CCDC138: variants seen among roughly 807,000 people sequenced by gnomAD.
CCDC138 encodes coiled-coil domain containing 138.
CCDC138 carries 66 observed loss-of-function variants against 82.3 expected under a neutral mutation model. The ratio of observed to expected loss-of-function variants is 0.80; its 90% CI spans 0.66 to 0.98. CCDC138 has a LOEUF of 0.98. Ranked by LOEUF, CCDC138 falls within the 50% of genes least tolerant of loss-of-function variation. CCDC138 has a pLI of 0.00. For missense variants in CCDC138, 816 were observed against 758.9 expected (o/e 1.08, Z -0.88); for synonymous variants, 297 against 265.4 (o/e 1.12, Z -1.16).
intron 14 of CCDC138, among the ~76,000 whole-genome samples, chr2:108,875,347 C>T: frequency 6.8e-6 from 1 of 146,742 alleles, no homozygotes; most frequent in Non-Finnish European, 1.5e-5. Context: ...GAAACAAATT[C>T]TTAATGATTG....
At chr2:108,837,890 T>C (rs1688832858) in intron 10 of CCDC138, among the ~76,000 whole-genome samples, 1 of 152,152 alleles carries the variant, frequency 6.6e-6, no homozygotes, top group Non-Finnish European at 1.5e-5. Flanking sequence ...TATTTAGAGA[T>C]TTCTCAACTT....
upstream of CCDC138, chr2:108,786,763 G>C (rs1036252266): frequency 7.5e-6 from 11 of 1,474,372 alleles, no homozygotes; most frequent in Admixed American, 1.8e-4. Context: ...CTGCGGCCGC[G>C]TAGCGCCGCG....
At chr2:108,857,066 CTTTTTTTTTTTT>C (rs35540493) in intron 13 of CCDC138, 96 bp downstream of exon 13, 19 of 44,064 alleles carry the variant, frequency 4.3e-4, no homozygotes, top group African/African-American at 6.2e-4. Flanking sequence ...GATACTATTG[CTTTTTTTTTTTT>C]TTTTTTTTTT....
chr2:108,823,534 C>T (rs997192653), intron 10 of CCDC138, among the ~76,000 whole-genome samples: 1 of 152,220 alleles, frequency 6.6e-6, no homozygotes, highest in Non-Finnish European at 1.5e-5. Flanking sequence ...TACTACCAGC[C>T]TAGGCTATAT....
At chr2:108,849,766 C>T (rs556207419) in intron 12 of CCDC138, among the ~76,000 whole-genome samples, 1 of 152,328 alleles carries the variant, frequency 6.6e-6, no homozygotes, top group Admixed American at 6.5e-5. Flanking sequence ...AGCCTAGGCA[C>T]AAGGGTTTCT....
At chr2:108,872,171 T>A (rs1370523362) in intron 13 of CCDC138, among the ~76,000 whole-genome samples, 3 of 152,226 alleles carry the variant, frequency 2.0e-5, no homozygotes, top group African/African-American at 7.2e-5. Flanking sequence ...CAGACATTCA[T>A]TGTTGCCTCG....
rs1441726054 is a variant in CCDC138 at position 108,809,486 on chromosome 2, GT to G, written c.856-3144del. The stretch of plus-strand genomic sequence containing the variant: ...TGTGTGTGTGTGTGTGTGTGTGTGT[GT>G]GATCTTCAGTTTCATTCATCAGTGT... On this transcript the variant is annotated intron_variant, in intron 7 of 14. Coordinates refer to ENST00000295124, the MANE Select transcript of CCDC138 (RefSeq NM_144978.3). 1.4e-3 allele frequency among the ~76,000 whole-genome samples: 214 copies of G among 148,952 alleles called. 1 individual carries two copies. The highest frequency in any genetic ancestry group is 1.9e-3 in the Non-Finnish European group (128 of 67,438).
chr2:108,796,171 C>T (rs1254998215), intron 5 of CCDC138, among the ~76,000 whole-genome samples: 1 of 152,110 alleles, frequency 6.6e-6, no homozygotes, highest in African/African-American at 2.4e-5. Context: ...GCCTCAGCCT[C>T]CCGAGTAGCT....
rs8179656 is a variant in CCDC138, at chr2:108,813,188, G to C, written c.1041+261G>C. ...TGCTGGAACCTGGGAGGCGGAGGTT[G>C]CAGTGAGCCGAGATTGCACCACTGC... is the stretch of plus-strand genomic sequence containing the variant. On this transcript the variant is annotated intron_variant, in intron 9 of 14. Coordinates refer to ENST00000295124, the MANE Select transcript of CCDC138 (RefSeq NM_144978.3). 4.1e-5 allele frequency among the ~76,000 whole-genome samples: 6 copies of C among 145,484 alleles called. No individual in the cohort carries two copies. The South Asian group carries it at 1.3e-3, about 32-fold the overall frequency.
intron 10 of CCDC138, among the ~76,000 whole-genome samples, chr2:108,820,273 T>C (rs542650527): frequency 4.6e-5 from 7 of 152,102 alleles, no homozygotes; most frequent in African/African-American, 1.7e-4. Flanking sequence ...AATAAAATTA[T>C]GTCAGAGGAG....
intron 12 of CCDC138, among the ~76,000 whole-genome samples, chr2:108,848,007 G>A (rs1690777991): frequency 6.6e-6 from 1 of 151,928 alleles, no homozygotes; most frequent in Admixed American, 6.6e-5. Flanking sequence ...ATACACACAC[G>A]CTTACATACC....
chr2:108,850,816 T>C (rs1691346509), intron 12 of CCDC138, among the ~76,000 whole-genome samples: 1 of 151,974 alleles, frequency 6.6e-6, no homozygotes, highest in African/African-American at 2.4e-5. Flanking sequence ...TTTTCTCTAC[T>C]CCCACATGAC....
intron 10 of CCDC138, among the ~76,000 whole-genome samples, chr2:108,830,132 T>C (rs945181416): frequency 6.6e-6 from 1 of 152,196 alleles, no homozygotes; most frequent in African/African-American, 2.4e-5. Flanking sequence ...CCTGAAGCTA[T>C]TGTAAATGAA....
At chr2:108,842,997 A>G (rs916685732) in intron 11 of CCDC138, among the ~76,000 whole-genome samples, 2 of 152,154 alleles carry the variant, frequency 1.3e-5, no homozygotes, top group Non-Finnish European at 2.9e-5. Context: ...CAACCGTCAA[A>G]CAGAATTTAT....
chr2:108,841,806 C>G (rs182360303), intron 11 of CCDC138, among the ~76,000 whole-genome samples: 2 of 151,804 alleles, frequency 1.3e-5, no homozygotes, highest in Admixed American at 1.3e-4. Flanking sequence ...TTTTGTTTCT[C>G]TTTTTCATTT....
chr2:108,823,013 T>C (rs896226378), intron 10 of CCDC138, among the ~76,000 whole-genome samples: 4 of 152,190 alleles, frequency 2.6e-5, no homozygotes, highest in Admixed American at 6.5e-5. Flanking sequence ...GACAATGTTA[T>C]CAACAATTGC....
chr2:108,846,625 C>A, intron 11 of CCDC138, 113 bp from the exon 12 acceptor site: 1 of 823,386 alleles, frequency 1.2e-6, no homozygotes, highest in East Asian at 2.8e-5. Flanking sequence ...TGCAGTGAGC[C>A]ATGATTGCGC....
At chr2:108,813,264 A>AG (rs1359619080) in intron 9 of CCDC138, among the ~76,000 whole-genome samples, 1 of 150,950 alleles carries the variant, frequency 6.6e-6, no homozygotes, top group African/African-American at 2.4e-5. Context: ...AAAAAAAAAA[A>AG]AAAAAAAAGA....
intron 10 of CCDC138, among the ~76,000 whole-genome samples, chr2:108,822,240 A>C (rs1353595729): frequency 6.6e-6 from 1 of 152,202 alleles, no homozygotes; most frequent in Non-Finnish European, 1.5e-5. Context: ...ATAAAAAGGT[A>C]AATTCACCAA....
Sources: gnomAD v4.1 joint callset for allele counts (sites outside exome capture counted in the v4.1 genomes callset) on GRCh38, gnomAD v4.1.1 for gene constraint, MANE v1.5 for transcripts, NCBI Gene and HGNC (gene_info 2026-07-23, HGNC 2026-07-21) for gene names.